Variants in CAP2 observed in about 807,000 individuals in gnomAD.
The protein encoded by CAP2 is adenylyl cyclase-associated protein 2.
CAP2 carries 24 observed loss-of-function variants against 57.7 expected under a neutral mutation model. The observed-to-expected ratio is 0.42, with a 90% CI of 0.30 to 0.58. CAP2 has a LOEUF of 0.58. Ranked by LOEUF, CAP2 falls within the 20% of genes least tolerant of loss-of-function variation. The probability of loss-of-function intolerance (pLI) is 0.22; values close to 1 mark genes in which losing one functional copy is unlikely to be tolerated. For missense variants in CAP2, 501 were observed against 590.3 expected (o/e 0.85, Z 1.57); for synonymous variants, 194 against 207.2 (o/e 0.94, Z 0.55).
chr6:17,534,453 A>T (rs908009921), intron 7 of CAP2, among the ~76,000 whole-genome samples: 2 of 152,100 alleles, frequency 1.3e-5, no homozygotes, highest in Non-Finnish European at 2.9e-5. Context: ...GTCATGTCTT[A>T]CCCATCTCAG....
At chr6:17,435,233 T>C (rs1239439116) in intron 3 of CAP2, among the ~76,000 whole-genome samples, 4 of 92,142 alleles carry the variant, frequency 4.3e-5, no homozygotes, top group Non-Finnish European at 8.6e-5. Context: ...CATGCACACG[T>C]ATGTTTATTG....
chr6:17,412,851 T>G (rs1228634115), intron 1 of CAP2, among the ~76,000 whole-genome samples: 1 of 152,160 alleles, frequency 6.6e-6, no homozygotes, highest in Non-Finnish European at 1.5e-5. Context: ...GTTTCGATAG[T>G]CGATGGAGAT....
intron 11 of CAP2, among the ~76,000 whole-genome samples, chr6:17,547,172 T>A (rs1246771039): frequency 1.3e-5 from 2 of 152,196 alleles, no homozygotes; most frequent in Non-Finnish European, 2.9e-5. Flanking sequence ...CTGTAACCAT[T>A]TTTTAAAGTG....
At chr6:17,431,072 G>A (rs1759715870) in intron 3 of CAP2, among the ~76,000 whole-genome samples, 1 of 152,130 alleles carries the variant, frequency 6.6e-6, no homozygotes, top group Non-Finnish European at 1.5e-5. Context: ...GTTACCACAT[G>A]CTCTCACTAA....
intron 3 of CAP2, among the ~76,000 whole-genome samples, chr6:17,459,815 G>A (rs6911167): frequency 0.14 from 20,551 of 152,098 alleles, 4,491 homozygotes; most frequent in African/African-American, 0.46. Flanking sequence ...CACAGAGAAT[G>A]CAGATAACAA....
chr6:17,533,792 T>A (rs954513929), intron 7 of CAP2, among the ~76,000 whole-genome samples: 3 of 152,136 alleles, frequency 2.0e-5, no homozygotes, highest in African/African-American at 7.2e-5. Context: ...GGTCTTGATC[T>A]CCTGACCTCG....
intron 4 of CAP2, among the ~76,000 whole-genome samples, chr6:17,499,848 C>CATAAATAAATAAATAAATAAATAA (rs139314619): frequency 7.0e-6 from 1 of 142,644 alleles, no homozygotes. Flanking sequence ...GAGACCCTGT[C>CATAAATAAATAAATAAATAAATAA]ATAAATAAAT....
intron 3 of CAP2, among the ~76,000 whole-genome samples, chr6:17,454,061 C>T (rs1313018760): frequency 6.6e-6 from 1 of 151,786 alleles, no homozygotes. Flanking sequence ...CAGGCAGGTG[C>T]CACCATGCCT....
intron 1 of CAP2, among the ~76,000 whole-genome samples, chr6:17,400,300 C>T (rs1458631966): frequency 6.6e-6 from 1 of 152,080 alleles, no homozygotes; most frequent in Non-Finnish European, 1.5e-5. Context: ...TTATTATGCA[C>T]AGTTTAATGA....
At chr6:17,540,474 G>A (rs1327225850) in intron 8 of CAP2, among the ~76,000 whole-genome samples, 1 of 151,960 alleles carries the variant, frequency 6.6e-6, no homozygotes, top group Admixed American at 6.6e-5. Context: ...ATACTTGGCT[G>A]GTGCAGTGGC....
chr6:17,426,389 C>G (rs1023965816), intron 2 of CAP2, among the ~76,000 whole-genome samples: 3 of 151,950 alleles, frequency 2.0e-5, no homozygotes, highest in Admixed American at 1.3e-4. Context: ...ATGCCTACCA[C>G]CACACCTGGC....
At chr6:17,410,090 TTTC>T (rs1381579501) in intron 1 of CAP2, among the ~76,000 whole-genome samples, 1 of 152,160 alleles carries the variant, frequency 6.6e-6, no homozygotes, top group African/African-American at 2.4e-5. Flanking sequence ...TTTACTTATT[TTTC>T]TTCTTCTGAA....
chr6:17,430,844 G>A lies in CAP2; in HGVS notation c.222+4154G>A, dbSNP rs562352238. 6.6e-5 allele frequency among the ~76,000 whole-genome samples: 10 copies of A among 152,246 alleles called. No individual in the cohort carries two copies. In the East Asian group the frequency reaches 1.4e-3, roughly 21 times the overall value. On this transcript the variant is annotated intron_variant, in intron 3 of 12. Transcript: ENST00000229922. ...GAGCCACTGCACCCGGCCATTAGGG[G>A]TTATTTTTTAACAAAGTTATCCTAT...
chr6:17,515,560 A>G (rs1206705956), intron 7 of CAP2, among the ~76,000 whole-genome samples: 1 of 152,170 alleles, frequency 6.6e-6, no homozygotes. Flanking sequence ...CCTCAGCATC[A>G]TACAATATAC....
intron 4 of CAP2, among the ~76,000 whole-genome samples, chr6:17,502,967 G>A (rs1221651557): frequency 6.6e-6 from 1 of 152,204 alleles, no homozygotes; most frequent in African/African-American, 2.4e-5. Flanking sequence ...AGAAGGAGAT[G>A]TTTGCTTTCT....
intron 4 of CAP2, among the ~76,000 whole-genome samples, chr6:17,496,690 G>A (rs931825302): frequency 2.0e-5 from 3 of 152,160 alleles, no homozygotes; most frequent in African/African-American, 7.2e-5. Context: ...AAAAGAGAAA[G>A]CAGTTTCCGA....
intron 7 of CAP2, among the ~76,000 whole-genome samples, chr6:17,517,238 TC>T (rs1762291645): frequency 6.6e-6 from 1 of 152,168 alleles, no homozygotes; most frequent in Admixed American, 6.6e-5. Flanking sequence ...GGAATGAGAA[TC>T]CATTTATGGA....
At chr6:17,528,651 C>T (rs557738744) in intron 7 of CAP2, among the ~76,000 whole-genome samples, 43 of 152,176 alleles carry the variant, frequency 2.8e-4, no homozygotes, top group Non-Finnish European at 5.4e-4. Context: ...GGAGCTTTGC[C>T]TCTGAAGAAA....
At chr6:17,418,061 A>G (rs562512169) in intron 1 of CAP2, among the ~76,000 whole-genome samples, 1 of 152,276 alleles carries the variant, frequency 6.6e-6, no homozygotes, top group Non-Finnish European at 1.5e-5. Flanking sequence ...CTGCCTGGGA[A>G]GAATTTGGAG....
Sources: gnomAD v4.1 joint callset for allele counts (sites outside exome capture counted in the v4.1 genomes callset) on GRCh38, gnomAD v4.1.1 for gene constraint, MANE v1.5 for transcripts, NCBI Gene and HGNC (gene_info 2026-07-23, HGNC 2026-07-21) for gene names.